The following NXPE3 variants were observed in gnomAD, a reference collection of about 807,000 sequenced individuals.
NXPE3 encodes NXPE family member 3.
A neutral mutation model predicts 46.1 loss-of-function variants in NXPE3; 26 were observed. That is an observed-to-expected ratio of 0.56 (90% CI 0.41 to 0.78). The LOEUF (loss-of-function observed/expected upper bound fraction) is 0.78. Among genes scored for constraint, NXPE3 ranks in the 30% least tolerant of loss-of-function variants. The pLI, the probability that NXPE3 is intolerant of heterozygous loss-of-function variation, is 0.00. For missense variants in NXPE3, 620 were observed against 686.0 expected, an observed-to-expected ratio of 0.90 and a Z score of 1.07; for synonymous variants, 272 against 257.9, an observed-to-expected ratio of 1.05 and a Z score of -0.52.
Position 101,806,106 on chromosome 3 carries a change from G to A in NXPE3, c.849-947G>A, listed in dbSNP as rs530976071. On this transcript the variant is annotated intron_variant, in intron 5 of 7. Transcript: ENST00000273347. ...TCAGCTCCATGAAGAAGGAGATGCT[G>A]TGTGTTTTGCTTACTGTAGTAGCCC... Among the ~76,000 whole-genome samples the A allele has an allele frequency of 1.9e-4, 29 of 152,244 alleles. No individual in the cohort carries two copies. In the South Asian group the frequency reaches 5.2e-3, roughly 27 times the overall value.
intron 6 of NXPE3, among the ~76,000 whole-genome samples, chr3:101,814,127 G>A (rs543267022): frequency 2.0e-5 from 3 of 152,240 alleles, no homozygotes; most frequent in East Asian, 1.9e-4. Context: ...CAGAATAACC[G>A]AGTCTACCGA....
At position 101,826,801 on chromosome 3, in the gene NXPE3, AGGT is replaced by A. The variant is rs1942506746; in HGVS notation, c.*4850_*4852del. ...GTAATCCCAGCACTTTGGGAGGCCG[AGGT>A]GGGCGGATCACCTGAGGTCAAGAGT... On this transcript the variant is annotated 3_prime_UTR_variant, in exon 8 of 8. Transcript: ENST00000273347. The A allele has an allele frequency of 6.6e-6, 1 of 152,232 alleles. No individual in the cohort carries two copies. The highest frequency in any genetic ancestry group is 2.4e-5 in the African/African-American group (1 of 41,442). 9.4% of individuals were successfully genotyped at this position (152,232 alleles called of 1,614,324 possible).
Position 101,822,280 on chromosome 3 carries a change from GA to G in NXPE3, c.*331del, listed in dbSNP as rs1445442571. On this transcript the variant is annotated 3_prime_UTR_variant, in exon 8 of 8. Coordinates refer to ENST00000273347, the MANE Select transcript of NXPE3 (RefSeq NM_145037.4). ...GGGTGACTACTTTGCTAAAGAGTATGAAAAATGTTTTGATGGAAGGGACAAG... is the reference window on the plus strand; with the variant it reads ...GGGTGACTACTTTGCTAAAGAGTATGAAAATGTTTTGATGGAAGGGACAAG... 4.1e-6 allele frequency: 1 copy of G among 241,026 alleles called. No homozygotes were observed. The highest frequency in any genetic ancestry group is 4.9e-5 in the Admixed American group (1 of 20,394). The allele number at this position is 241,026 out of a possible 1,614,324, so 14.9% of individuals were successfully genotyped here.
chr3:101,826,459 C>G lies in NXPE3; in HGVS notation c.*4505C>G, dbSNP rs1044389029. The G allele has an allele frequency of 6.6e-6, 1 of 152,092 alleles. No homozygotes were observed. The highest frequency in any genetic ancestry group is 2.4e-5 in the African/African-American group (1 of 41,396). 9.4% of individuals were successfully genotyped at this position (152,092 alleles called of 1,614,324 possible). On this transcript the variant is annotated 3_prime_UTR_variant, in exon 8 of 8. Transcript: ENST00000273347. ...TTTCTTGTGTTAAGCATTATTCTAC[C>G]TGGTTTATGTCTACAATGTAGTATT...
chr3:101,814,212 T>C (rs1039156568), intron 6 of NXPE3, among the ~76,000 whole-genome samples: 6 of 152,242 alleles, frequency 3.9e-5, no homozygotes, highest in African/African-American at 9.6e-5. Context: ...CTGTGGGCCC[T>C]AGGTGTCGTC....
At chr3:101,783,250 A>G (rs1939936565) in intron 3 of NXPE3, among the ~76,000 whole-genome samples, 1 of 151,896 alleles carries the variant, frequency 6.6e-6, no homozygotes. Flanking sequence ...TTTAGTAGAG[A>G]CAAGGTTTCA....
intron 4 of NXPE3, among the ~76,000 whole-genome samples, chr3:101,792,596 A>G (rs1940584699): frequency 6.6e-6 from 1 of 151,276 alleles, no homozygotes; most frequent in African/African-American, 2.4e-5. Context: ...TTGTTTCTGG[A>G]TTCTCTATTC....
At position 101,827,341 on chromosome 3, in the gene NXPE3, T is replaced by C. The variant is rs1387982491; in HGVS notation, c.*5387T>C. 45 of 152,232 alleles carry C rather than the reference T, an allele frequency of 3.0e-4. No homozygotes were observed. Among genetic ancestry groups the C allele is most frequent in the Admixed American group, 2.9e-3 (45 of 15,284 alleles). The allele number at this position is 152,232 out of a possible 1,614,324, so 9.4% of individuals were successfully genotyped here. On this transcript the variant is annotated 3_prime_UTR_variant, in exon 8 of 8. Transcript: ENST00000273347. ...GCAGTGGTTCATTTGCTGTTAAATCTACCCCATTACCATTCCCCTTACTCC... is the reference window on the plus strand; with the variant it reads ...GCAGTGGTTCATTTGCTGTTAAATCCACCCCATTACCATTCCCCTTACTCC...
At chr3:101,790,716 C>T (rs1295748450) in intron 4 of NXPE3, among the ~76,000 whole-genome samples, 1 of 152,176 alleles carries the variant, frequency 6.6e-6, no homozygotes, top group Non-Finnish European at 1.5e-5. Flanking sequence ...TCTCAGCCTT[C>T]TGAGTAGCTG....
At chr3:101,820,048 A>G (rs1942177282) in intron 7 of NXPE3, among the ~76,000 whole-genome samples, 1 of 152,164 alleles carries the variant, frequency 6.6e-6, no homozygotes, top group Non-Finnish European at 1.5e-5. Context: ...AATGTCCTCT[A>G]GTTTCATCCA....
chr3:101,817,557 T>C (rs1218645964), intron 7 of NXPE3, among the ~76,000 whole-genome samples: 1 of 152,140 alleles, frequency 6.6e-6, no homozygotes, highest in African/African-American at 2.4e-5. Context: ...GGAGTCTGGG[T>C]AAGTTCCAGC....
At position 101,801,298 on chromosome 3, in the gene NXPE3, C is replaced by T; in HGVS notation, c.157C>T (p.Gln53Ter). 1.2e-6 allele frequency: 2 copies of T among 1,614,178 alleles called. No homozygotes were observed. Among genetic ancestry groups the T allele is most frequent in the Non-Finnish European group, 1.7e-6 (2 of 1,180,024 alleles). ...IDSSGQFVSSQVTGISRNPYC... is the reference protein window; with the variant it reads ...IDSSGQFVSS ...CAGCAGTGGACAGTTTGTTTCCTCC[C>T]AGGTGACAGGAATTAGCCGAAATCC... The change falls in exon 5 of 8, where the codon CAG (glutamine) becomes TAG (stop). Residue 53 changes from glutamine (Q) to a stop codon, truncating the protein, a stop_gained. Transcript: ENST00000273347. LOFTEE classifies it high-confidence loss of function.
intron 4 of NXPE3, among the ~76,000 whole-genome samples, chr3:101,793,532 A>G (rs868167560): frequency 2.1e-5 from 3 of 145,524 alleles, no homozygotes; most frequent in Admixed American, 6.9e-5. Flanking sequence ...GGTTACATCT[A>G]CCATTTTGCT....
At chr3:101,792,802 A>G (rs1484052714) in intron 4 of NXPE3, among the ~76,000 whole-genome samples, 1 of 152,172 alleles carries the variant, frequency 6.6e-6, no homozygotes, top group Non-Finnish European at 1.5e-5. Flanking sequence ...TTTGTGAAGA[A>G]TGTTGTCAGT....
chr3:101,780,599 A>G (rs1384820794), intron 1 of NXPE3, among the ~76,000 whole-genome samples: 1 of 152,150 alleles, frequency 6.6e-6, no homozygotes, highest in Non-Finnish European at 1.5e-5. Flanking sequence ...GCCTATTCCT[A>G]CAGATTCTGA....
At chr3:101,806,607 T>C (rs1052136776) in intron 5 of NXPE3, among the ~76,000 whole-genome samples, 1 of 152,164 alleles carries the variant, frequency 6.6e-6, no homozygotes, top group Non-Finnish European at 1.5e-5. Flanking sequence ...AGTAAGTATC[T>C]GGGGGGCAAG....
In NXPE3 at chr3:101,821,305, TAA is replaced by T. The variant is rs35027466; in HGVS notation, c.1130-91_1130-90del. ...TTATATTGTACCTTTTTGTTGTACT[TAA>T]AAAAAAATTGTTATTTGAAGCCACT... On this transcript the variant is annotated intron_variant, in intron 7 of 7. Transcript: ENST00000273347. 956 of 914,188 alleles carry T rather than the reference TAA, an allele frequency of 1.0e-3. 4 individuals carry two copies. In the African/African-American group the frequency reaches 0.013, roughly 13 times the overall value. The allele number at this position is 914,188 out of a possible 1,614,324, so 56.6% of individuals were successfully genotyped here.
intron 4 of NXPE3, among the ~76,000 whole-genome samples, chr3:101,795,318 A>G (rs610988): frequency 0.13 from 20,032 of 152,154 alleles, 1,503 homozygotes; most frequent in East Asian, 0.34. Flanking sequence ...AGGAGTTTTG[A>G]GACCAGCTTG....
At chr3:101,784,678 T>G (rs1453953896) in intron 3 of NXPE3, among the ~76,000 whole-genome samples, 2 of 152,204 alleles carry the variant, frequency 1.3e-5, no homozygotes, top group African/African-American at 4.8e-5. Flanking sequence ...ATTTGTTACG[T>G]GGGAGAACAG....
Sources: gnomAD v4.1 joint callset for allele counts (sites outside exome capture counted in the v4.1 genomes callset) on GRCh38, gnomAD v4.1.1 for gene constraint, MANE v1.5 for transcripts, NCBI Gene and HGNC (gene_info 2026-07-23, HGNC 2026-07-21) for gene names.